Variants in SAMD5 observed in about 807,000 individuals in gnomAD.
SAMD5 encodes the protein sterile alpha motif domain containing 5.
In SAMD5, 13 loss-of-function variants were observed where a neutral mutation model predicts 11.3. The observed-to-expected ratio is 1.15, with a 90% confidence interval of 0.75 to 1.83. SAMD5 has a LOEUF of 1.83. SAMD5 is among the 40% of genes most tolerant of loss of function. The pLI is 0.00. For synonymous variants in SAMD5, 129 were observed against 111.3 expected (o/e 1.16, Z -1.00); for missense variants, 255 against 239.1 (o/e 1.07, Z -0.44).
intron 1 of SAMD5, among the ~76,000 whole-genome samples, chr6:147,583,067 A>T (rs1262498451): frequency 6.6e-6 from 1 of 152,250 alleles, no homozygotes; most frequent in Non-Finnish European, 1.5e-5. Context: ...AAGATTTCTT[A>T]AAGCAACATA....
At chr6:147,671,088 TAGAG>T (rs1790788341) in intron 1 of SAMD5, among the ~76,000 whole-genome samples, 1 of 152,100 alleles carries the variant, frequency 6.6e-6, no homozygotes, top group Admixed American at 6.6e-5. Context: ...CTCAGTGAAA[TAGAG>T]AGGCTTAAGA....
chr6:147,800,577 T>G, the SAMD5 span, among the ~76,000 whole-genome samples: 7 of 152,244 alleles, frequency 4.6e-5, no homozygotes, highest in African/African-American at 1.7e-4. Flanking sequence ...CAGGCCTCCT[T>G]GAGCTGTGGT....
the SAMD5 span, among the ~76,000 whole-genome samples, chr6:147,922,178 C>T: frequency 9.2e-5 from 14 of 152,202 alleles, no homozygotes; most frequent in Non-Finnish European, 1.5e-4. Context: ...TCATGGCACT[C>T]GGGACACTGT....
At chr6:147,693,495 G>C (rs1418176021) in intron 1 of SAMD5, among the ~76,000 whole-genome samples, 1 of 152,246 alleles carries the variant, frequency 6.6e-6, no homozygotes, top group Non-Finnish European at 1.5e-5. Flanking sequence ...AGAAAGACAA[G>C]ACTCCAGTGG....
intron 1 of SAMD5, among the ~76,000 whole-genome samples, chr6:147,634,969 G>A (rs972654424): frequency 6.6e-6 from 1 of 152,100 alleles, no homozygotes; most frequent in African/African-American, 2.4e-5. Context: ...GAAGAAGAAG[G>A]CTCATAGATA....
At chr6:147,790,756 T>TCTCTC in the SAMD5 span, among the ~76,000 whole-genome samples, 4 of 28,966 alleles carry the variant, frequency 1.4e-4, no homozygotes, top group African/African-American at 3.4e-4. Flanking sequence ...CTCTCTCTCT[T>TCTCTC]TCTCTCTCTC....
chr6:147,552,770 G>T (rs184785412), intron 1 of SAMD5, among the ~76,000 whole-genome samples: 2 of 152,232 alleles, frequency 1.3e-5, no homozygotes, highest in Non-Finnish European at 2.9e-5. Flanking sequence ...CAATTAAAGA[G>T]GTCTTTATGC....
chr6:147,741,351 T>C (rs2128460753), downstream of SAMD5: 1 of 152,280 alleles, frequency 6.6e-6, no homozygotes, highest in East Asian at 1.9e-4. Context: ...GGGGGGTCTT[T>C]GATGAGATAA....
At chr6:147,891,056 C>T in the SAMD5 span, among the ~76,000 whole-genome samples, 11 of 152,038 alleles carry the variant, frequency 7.2e-5, no homozygotes, top group Non-Finnish European at 1.3e-4. Context: ...CAGATGAATA[C>T]GTCTAGTAAG....
chr6:147,906,177 A>G, the SAMD5 span, among the ~76,000 whole-genome samples: 1 of 152,262 alleles, frequency 6.6e-6, no homozygotes, highest in South Asian at 2.1e-4. Flanking sequence ...CACCATAGAT[A>G]TTTTTACTTG....
rs531980905 is a variant in SAMD5, at chr6:147,613,965, GC to G, written c.162+104584del. ...TAGAATGAGGGAATCAGCACTTCCT[GC>G]CCCCCAGGGAGTACCAACACACCAC... On this transcript the variant is annotated intron_variant, in intron 1 of 1. Transcript: ENST00000566741. 4.0e-3 allele frequency among the ~76,000 whole-genome samples: 610 copies of G among 152,010 alleles called. 1 individual carries two copies. The highest frequency in any genetic ancestry group is 7.3e-3 in the Non-Finnish European group (498 of 68,020).
At chr6:147,654,292 A>C (rs1395553651) in intron 1 of SAMD5, among the ~76,000 whole-genome samples, 1 of 152,168 alleles carries the variant, frequency 6.6e-6, no homozygotes, top group Non-Finnish European at 1.5e-5. Flanking sequence ...GAGACCAGTA[A>C]ATTCCTCTTT....
the SAMD5 span, among the ~76,000 whole-genome samples, chr6:147,880,245 C>G: frequency 1.3e-5 from 2 of 152,098 alleles, no homozygotes; most frequent in Admixed American, 1.3e-4. Flanking sequence ...TTTATTTCTT[C>G]TCATGTAAGT....
the SAMD5 span, among the ~76,000 whole-genome samples, chr6:147,928,167 T>G: frequency 6.6e-6 from 1 of 152,208 alleles, no homozygotes; most frequent in Non-Finnish European, 1.5e-5. Context: ...TGAATCAGGA[T>G]GATGCTGGAC....
downstream of SAMD5, among the ~76,000 whole-genome samples, chr6:147,739,291 C>T (rs1044956453): frequency 1.3e-5 from 2 of 152,270 alleles, no homozygotes; most frequent in East Asian, 1.9e-4. Flanking sequence ...TGACTTAATA[C>T]ACTATAAATA....
At chr6:147,707,555 C>A (rs1242151190) in intron 1 of SAMD5, among the ~76,000 whole-genome samples, 4 of 152,176 alleles carry the variant, frequency 2.6e-5, no homozygotes, top group Non-Finnish European at 5.9e-5. Flanking sequence ...TTCCTCCCAG[C>A]CCTGCTTATC....
At chr6:147,660,659 CGATCTG>C (rs75270989) in intron 1 of SAMD5, 13,455 of 152,212 alleles carry the variant, frequency 0.088, 860 homozygotes, top group East Asian at 0.26. Context: ...AGTTCTCAGG[CGATCTG>C]GATCTGGATG....
chr6:147,930,303 C>T, the SAMD5 span, among the ~76,000 whole-genome samples: 18 of 152,100 alleles, frequency 1.2e-4, no homozygotes, highest in Non-Finnish European at 2.6e-4. Context: ...TTTCCTTCAT[C>T]TTTCTGTCTT....
chr6:147,926,610 C>T, the SAMD5 span, among the ~76,000 whole-genome samples: 2 of 151,884 alleles, frequency 1.3e-5, no homozygotes, highest in Non-Finnish European at 2.9e-5. Flanking sequence ...AATATGTTCT[C>T]CCCTTCTTTG....
Sources: allele counts gnomAD v4.1 joint callset (sites outside exome capture counted in the v4.1 genomes callset), GRCh38; gene constraint gnomAD v4.1.1; transcripts MANE v1.5; gene names NCBI Gene and HGNC (gene_info 2026-07-23, HGNC 2026-07-21).